NINJ2: variants seen among roughly 807,000 people sequenced by gnomAD.
NINJ2 encodes ninjurin-2.
In NINJ2, 12 loss-of-function variants were observed where a neutral mutation model predicts 11.7. The ratio of observed to expected loss-of-function variants is 1.02; its 90% CI spans 0.66 to 1.66. The LOEUF (loss-of-function observed/expected upper bound fraction) is 1.66, where lower values mean the gene tolerates loss of function less well. NINJ2 is among the 40% of genes most tolerant of loss of function. The probability of loss-of-function intolerance (pLI) is 0.00; values close to 1 mark genes in which losing one functional copy is unlikely to be tolerated. For missense variants in NINJ2, 187 were observed against 181.8 expected, an observed-to-expected ratio of 1.03 and a Z score of -0.16; for synonymous variants, 93 against 76.8, an observed-to-expected ratio of 1.21 and a Z score of -1.10.
intron 1 of NINJ2, chr12:645,153 G>C (rs1395148468): frequency 3.3e-5 from 5 of 152,156 alleles, no homozygotes; most frequent in Non-Finnish European, 5.9e-5. Context: ...TAAGATCTGG[G>C]GACAAGGGTT....
intron 1 of NINJ2, among the ~76,000 whole-genome samples, chr12:653,640 T>G (rs574035347): frequency 1.3e-5 from 2 of 151,782 alleles, no homozygotes; most frequent in South Asian, 4.1e-4. Flanking sequence ...TGATACACTA[T>G]GAATGGAGAT....
At chr12:652,949 AAAAAAAAAAAAG>A (rs1351914023) in intron 1 of NINJ2, among the ~76,000 whole-genome samples, 1 of 147,826 alleles carries the variant, frequency 6.8e-6, no homozygotes, top group Non-Finnish European at 1.5e-5. Context: ...CTCTGTCTCA[AAAAAAAAAAAAG>A]AAAAAGAAAA....
Position 663,401 on chromosome 12 carries a change from G to A in NINJ2, c.-41C>T. ...TCCCTTCACACGCACCGGGTGCCGG[G>A]AACAGACTGCGTGGGCTCCTCCAGG... On this transcript the variant is annotated 5_prime_UTR_variant, in exon 1 of 4. Coordinates refer to ENST00000305108, the MANE Select transcript of NINJ2 (RefSeq NM_016533.6). 1 of 1,614,142 alleles carries A rather than the reference G, an allele frequency of 6.2e-7. No homozygotes were observed. Among genetic ancestry groups the A allele is most frequent in the South Asian group, 1.1e-5 (1 of 91,068 alleles).
intron 1 of NINJ2, among the ~76,000 whole-genome samples, chr12:567,777 A>AG (rs1321353464): frequency 6.6e-6 from 1 of 152,196 alleles, no homozygotes; most frequent in Non-Finnish European, 1.5e-5. Flanking sequence ...AGGCCAAGGC[A>AG]GGGGGATCAT....
At chr12:651,778 C>G (rs563695900) in intron 1 of NINJ2, among the ~76,000 whole-genome samples, 2 of 152,294 alleles carry the variant, frequency 1.3e-5, no homozygotes, top group East Asian at 3.9e-4. Flanking sequence ...AAAGAAACGC[C>G]AGAGGTCAAA....
In NINJ2 at chr12:640,121, C is replaced by T. The variant is rs1326009163; in HGVS notation, c.33+23207G>A. On this transcript the variant is annotated intron_variant, in intron 1 of 3. Transcript: ENST00000305108. The surrounding 1 kb of genome is among the most constrained non-coding windows in gnomAD (Gnocchi z 4.0). ...CCAGTTCACACACGGAATGTTTGCT[C>T]TCTAGCAGCCAAATACACTGGAACT... Among the ~76,000 whole-genome samples the T allele has an allele frequency of 6.6e-6, 1 of 152,208 alleles. No homozygotes were observed. Among genetic ancestry groups the T allele is most frequent in the East Asian group, 1.9e-4 (1 of 5,204 alleles).
intron 1 of NINJ2, chr12:586,019 G>A (rs2120854128): frequency 6.6e-6 from 1 of 152,302 alleles, no homozygotes; most frequent in Middle Eastern, 3.4e-3. Flanking sequence ...GTTTCCAGAT[G>A]AGCATTAATG....
intron 1 of NINJ2, among the ~76,000 whole-genome samples, chr12:584,624 A>T (rs1947607052): frequency 6.6e-6 from 1 of 150,434 alleles, no homozygotes; most frequent in South Asian, 2.1e-4. Context: ...TGGCCAACAT[A>T]GTGAAACCCC....
intron 1 of NINJ2, among the ~76,000 whole-genome samples, chr12:607,557 A>T (rs965603854): frequency 4.6e-5 from 7 of 152,206 alleles, no homozygotes; most frequent in Non-Finnish European, 8.8e-5. Flanking sequence ...TACTCAGCCC[A>T]GGTGTTGACA....
At chr12:624,375 G>A (rs189905323) in intron 1 of NINJ2, among the ~76,000 whole-genome samples, 101 of 152,246 alleles carry the variant, frequency 6.6e-4, no homozygotes, top group South Asian at 2.9e-3. Flanking sequence ...TAGTGTATGG[G>A]GATACAGAAA....
At chr12:586,978 A>G (rs969194281) in intron 1 of NINJ2, among the ~76,000 whole-genome samples, 2 of 152,224 alleles carry the variant, frequency 1.3e-5, no homozygotes, top group Non-Finnish European at 2.9e-5. Flanking sequence ...TTTAACCCTT[A>G]GTGTGAGCAG....
chr12:603,009 T>A, intron 1 of NINJ2, among the ~76,000 whole-genome samples: 1 of 151,440 alleles, frequency 6.6e-6, no homozygotes, highest in East Asian at 1.9e-4. Flanking sequence ...ATTTTTAATT[T>A]TTTTTTTTGT....
At chr12:601,707 T>C (rs11063823) in intron 1 of NINJ2, among the ~76,000 whole-genome samples, 113,003 of 151,186 alleles carry the variant, frequency 0.75, 42,295 homozygotes, top group Middle Eastern at 0.83. Flanking sequence ...CTACTAAAAA[T>C]ACAAAAAAAT....
At chr12:571,067 C>T (rs1947368557) in intron 1 of NINJ2, among the ~76,000 whole-genome samples, 1 of 152,208 alleles carries the variant, frequency 6.6e-6, no homozygotes, top group African/African-American at 2.4e-5. Flanking sequence ...TCTGCCCCGC[C>T]CCACTTGCCC....
chr12:646,780 G>A (rs1420456993), intron 1 of NINJ2, among the ~76,000 whole-genome samples: 2 of 152,126 alleles, frequency 1.3e-5, no homozygotes, highest in Non-Finnish European at 2.9e-5. Context: ...CTCCACACCC[G>A]AGGCACAAGA....
chr12:629,881 CA>C (rs1179186409), intron 1 of NINJ2, among the ~76,000 whole-genome samples: 11 of 3,368 alleles, frequency 3.3e-3, no homozygotes, highest in African/African-American at 3.9e-3. Context: ...GAGCAAAACT[CA>C]AAAAAAAAAA....
chr12:603,487 T>TGCATGACGGTTTACTTACATTTTGTTC (rs1378990155), intron 1 of NINJ2, among the ~76,000 whole-genome samples: 9 of 152,158 alleles, frequency 5.9e-5, no homozygotes, highest in African/African-American at 2.2e-4. Context: ...AAGGCTTTCC[T>TGCATGACGGTTTACTTACATTTTGTTC]GCATGACGGT....
intron 1 of NINJ2, among the ~76,000 whole-genome samples, chr12:603,850 G>T (rs974004667): frequency 6.6e-6 from 1 of 152,006 alleles, no homozygotes; most frequent in African/African-American, 2.4e-5. Flanking sequence ...TAATAGAGAC[G>T]GGGTTTTGCC....
At chr12:572,163 T>G (rs1163641954) in intron 1 of NINJ2, among the ~76,000 whole-genome samples, 4 of 151,944 alleles carry the variant, frequency 2.6e-5, no homozygotes, top group Admixed American at 2.0e-4. Context: ...TAGCACGGAG[T>G]AATCTAGGGA....
Sources: allele counts gnomAD v4.1 joint callset (sites outside exome capture counted in the v4.1 genomes callset), GRCh38; gene constraint gnomAD v4.1.1; non-coding constraint Gnocchi (gnomAD v3.1); transcripts MANE v1.5; gene names NCBI Gene and HGNC (gene_info 2026-07-23, HGNC 2026-07-21).